RPS6KC1: variants seen among roughly 807,000 people sequenced by gnomAD.
The protein encoded by RPS6KC1 is inactive ribosomal protein S6 kinase delta-1.
A neutral mutation model predicts 103.8 loss-of-function variants in RPS6KC1; 54 were observed. The ratio of observed to expected loss-of-function variants is 0.52; its 90% CI spans 0.42 to 0.65. The LOEUF (loss-of-function observed/expected upper bound fraction) is 0.65, where lower values mean the gene tolerates loss of function less well. Ranked by LOEUF, RPS6KC1 falls within the 30% of genes least tolerant of loss-of-function variation. The pLI is 0.00. For synonymous variants in RPS6KC1, 439 were observed against 438.7 expected, an observed-to-expected ratio of 1.00 and a Z score of -0.01; for missense variants, 1,151 against 1,253.8, an observed-to-expected ratio of 0.92 and a Z score of 1.24.
chr1:213,066,996 C>G (rs544728049), intron 1 of RPS6KC1, among the ~76,000 whole-genome samples: 2 of 152,274 alleles, frequency 1.3e-5, no homozygotes, highest in Non-Finnish European at 2.9e-5. Flanking sequence ...ACCAGATTGC[C>G]TCATTTGGAG....
the RPS6KC1 span, among the ~76,000 whole-genome samples, chr1:213,602,647 A>G: frequency 8.3e-4 from 126 of 152,134 alleles, no homozygotes; most frequent in African/African-American, 2.7e-3. Context: ...TGATGTTTCA[A>G]TTTTCTGGGG....
the RPS6KC1 span, among the ~76,000 whole-genome samples, chr1:213,671,255 G>A: frequency 1.3e-5 from 2 of 152,134 alleles, no homozygotes; most frequent in Non-Finnish European, 2.9e-5. Context: ...ACTATATTAA[G>A]TGAACTAAGC....
chr1:213,248,308 G>A (rs2094488706), intron 12 of RPS6KC1, among the ~76,000 whole-genome samples: 1 of 151,798 alleles, frequency 6.6e-6, no homozygotes, highest in Non-Finnish European at 1.5e-5. Context: ...GACAGTAACT[G>A]TTTTATTTAC....
At chr1:213,740,729 ACATC>A in the RPS6KC1 span, among the ~76,000 whole-genome samples, 1 of 140,302 alleles carries the variant, frequency 7.1e-6, no homozygotes, top group Non-Finnish European at 1.6e-5. Context: ...ACACATATAT[ACATC>A]TCAGATATAT....
At chr1:213,734,199 T>C in the RPS6KC1 span, among the ~76,000 whole-genome samples, 2 of 152,216 alleles carry the variant, frequency 1.3e-5, no homozygotes, top group Admixed American at 6.5e-5. Context: ...CAGATCCTTT[T>C]CTTAGGGTGG....
At chr1:213,513,832 A>G in the RPS6KC1 span, among the ~76,000 whole-genome samples, 2 of 152,248 alleles carry the variant, frequency 1.3e-5, no homozygotes, top group African/African-American at 4.8e-5. Context: ...TAATACTGAT[A>G]TGCAGCTTTA....
the RPS6KC1 span, among the ~76,000 whole-genome samples, chr1:213,732,675 A>T: frequency 2.0e-5 from 3 of 152,194 alleles, no homozygotes; most frequent in Non-Finnish European, 4.4e-5. Context: ...TAGTGGGAGT[A>T]GTTGATGTGA....
chr1:213,461,286 C>A, the RPS6KC1 span, among the ~76,000 whole-genome samples: 1 of 152,082 alleles, frequency 6.6e-6, no homozygotes, highest in Admixed American at 6.5e-5. Flanking sequence ...TAAGAGAGGA[C>A]ACAAACAAAT....
the RPS6KC1 span, among the ~76,000 whole-genome samples, chr1:213,607,912 AG>A: frequency 6.6e-6 from 1 of 152,074 alleles, no homozygotes; most frequent in African/African-American, 2.4e-5. Flanking sequence ...TAATGCTTAG[AG>A]GGGCTCTTCT....
chr1:213,849,180 T>C, the RPS6KC1 span, among the ~76,000 whole-genome samples: 1 of 152,056 alleles, frequency 6.6e-6, no homozygotes, highest in Non-Finnish European at 1.5e-5. Context: ...CTAAGAAAGT[T>C]TGGGTTTCAT....
At chr1:213,755,275 A>C in the RPS6KC1 span, among the ~76,000 whole-genome samples, 1 of 152,206 alleles carries the variant, frequency 6.6e-6, no homozygotes, top group African/African-American at 2.4e-5. Context: ...AAACTTTTGC[A>C]CCAACCTAAT....
At chr1:213,567,312 C>T in the RPS6KC1 span, among the ~76,000 whole-genome samples, 2 of 152,108 alleles carry the variant, frequency 1.3e-5, no homozygotes, top group Admixed American at 6.5e-5. Flanking sequence ...TGCTTCAAGG[C>T]TTCTGGCTTT....
At chr1:213,841,203 A>C in the RPS6KC1 span, 1 of 152,222 alleles carries the variant, frequency 6.6e-6, no homozygotes, top group Non-Finnish European at 1.5e-5. Flanking sequence ...GGATGATTGC[A>C]TCAACAATAA....
chr1:213,822,016 G>A, the RPS6KC1 span: 1 of 152,228 alleles, frequency 6.6e-6, no homozygotes, highest in East Asian at 1.9e-4. Flanking sequence ...AAACCATCAA[G>A]GTTGCATTTG....
the RPS6KC1 span, among the ~76,000 whole-genome samples, chr1:213,450,274 T>C: frequency 1.1e-4 from 16 of 152,146 alleles, no homozygotes; most frequent in African/African-American, 3.9e-4. Context: ...TGGCTTGCGA[T>C]TGTATTTTCT....
At chr1:213,526,110 C>A in the RPS6KC1 span, among the ~76,000 whole-genome samples, 2 of 152,106 alleles carry the variant, frequency 1.3e-5, no homozygotes, top group African/African-American at 2.4e-5. Context: ...AAGGATAATT[C>A]TAGGATTGAT....
chr1:213,140,101 G>C (rs1046680523), intron 6 of RPS6KC1, among the ~76,000 whole-genome samples: 9 of 151,912 alleles, frequency 5.9e-5, no homozygotes, highest in Non-Finnish European at 1.2e-4. Flanking sequence ...TATTTTTGTG[G>C]CTGTTGTGAA....
intron 5 of RPS6KC1, among the ~76,000 whole-genome samples, chr1:213,127,474 A>G (rs1184278724): frequency 2.0e-5 from 3 of 152,222 alleles, no homozygotes; most frequent in Non-Finnish European, 4.4e-5. Flanking sequence ...CTGAACTACC[A>G]TGGTCGTCTT....
chr1:213,140,538 T>C (rs749325303), intron 6 of RPS6KC1, among the ~76,000 whole-genome samples: 3 of 152,154 alleles, frequency 2.0e-5, no homozygotes, highest in Non-Finnish European at 4.4e-5. Context: ...TGAGGATTTT[T>C]AACACAAAGC....
Sources: allele counts gnomAD v4.1 joint callset (sites outside exome capture counted in the v4.1 genomes callset), GRCh38; gene constraint gnomAD v4.1.1; transcripts MANE v1.5; gene names NCBI Gene and HGNC (gene_info 2026-07-23, HGNC 2026-07-21).